Variants in USP15 observed in about 807,000 individuals in gnomAD.
The protein encoded by USP15 is ubiquitin carboxyl-terminal hydrolase 15.
In USP15, 18 loss-of-function variants were observed where a neutral mutation model predicts 127.1. The observed-to-expected ratio is 0.14, with a 90% CI of 0.10 to 0.21. The LOEUF is 0.21. Among genes scored for constraint, USP15 ranks in the 10% least tolerant of loss-of-function variants. The pLI is 1.00. For missense variants in USP15, 805 were observed against 1,159.9 expected (o/e 0.69, Z 4.44); for synonymous variants, 364 against 393.7 (o/e 0.92, Z 0.89).
chr12:62,260,816 A>G (rs986564791), intron 1 of USP15, among the ~76,000 whole-genome samples: 1 of 151,748 alleles, frequency 6.6e-6, no homozygotes, highest in African/African-American at 2.4e-5. Context: ...TTCCCGAATG[A>G]TAGGTTATAG....
chr12:62,310,794 G>GA (rs56309707), intron 3 of USP15, among the ~76,000 whole-genome samples: 152,008 of 152,008 alleles, frequency 1, 76,004 homozygotes, highest in Non-Finnish European at 1. Flanking sequence ...AGATTTTTGA[G>GA]AATCTCCACA....
chr12:62,404,062 ATT>A, intron 21 of USP15, 129 bp from the exon 22 acceptor site: 1 of 738,390 alleles, frequency 1.4e-6, no homozygotes, highest in Non-Finnish European at 1.8e-6. Context: ...AGTAACTTCC[ATT>A]TGACCATGCA....
chr12:62,378,822 A>G (rs1309367492), intron 8 of USP15, among the ~76,000 whole-genome samples: 1 of 152,218 alleles, frequency 6.6e-6, no homozygotes, highest in Non-Finnish European at 1.5e-5. Flanking sequence ...TCATTCAACA[A>G]AAATTTATTG....
chr12:62,355,289 G>T, intron 7 of USP15, 42 bp from the exon 8 acceptor site: 1 of 1,515,008 alleles, frequency 6.6e-7, no homozygotes, highest in Non-Finnish European at 8.9e-7. Context: ...TAAATATGTT[G>T]TAATATAATT....
intron 8 of USP15, among the ~76,000 whole-genome samples, chr12:62,358,017 C>T (rs1592660684): frequency 6.6e-6 from 1 of 152,004 alleles, no homozygotes; most frequent in South Asian, 2.1e-4. Context: ...AAATTGAAGA[C>T]GTTCATGAAT....
In USP15 at chr12:62,414,937, T is replaced by A. The variant is rs560712334; in HGVS notation, c.*10562T>A. 6.6e-6 allele frequency: 1 copy of A among 151,752 alleles called. No homozygotes were observed. The highest frequency in any genetic ancestry group is 2.1e-4 in the South Asian group (1 of 4,812). 9.4% of individuals were successfully genotyped at this position (151,752 alleles called of 1,614,324 possible). On this transcript the variant is annotated 3_prime_UTR_variant, in exon 22 of 22. Transcript: ENST00000280377. ...GGATGCATATGTGTATACACATATA[T>A]GTATAGCTCTCTCCCTCATATATAC...
intron 8 of USP15, among the ~76,000 whole-genome samples, chr12:62,360,009 T>A (rs2066265362): frequency 6.6e-6 from 1 of 152,154 alleles, no homozygotes; most frequent in African/African-American, 2.4e-5. Flanking sequence ...TAATTTTAAT[T>A]AGCATTAGTT....
At chr12:62,360,913 C>T (rs1031145488) in intron 8 of USP15, among the ~76,000 whole-genome samples, 1 of 151,690 alleles carries the variant, frequency 6.6e-6, no homozygotes, top group Non-Finnish European at 1.5e-5. Context: ...ATATTCAATC[C>T]TCTGTCAAAT....
chr12:62,361,451 A>G (rs2066312460), intron 8 of USP15, among the ~76,000 whole-genome samples: 1 of 152,028 alleles, frequency 6.6e-6, no homozygotes, highest in South Asian at 2.1e-4. Context: ...AAAGAGTTGT[A>G]AATTATTACA....
intron 8 of USP15, among the ~76,000 whole-genome samples, chr12:62,368,062 A>G (rs2066536937): frequency 6.6e-6 from 1 of 152,020 alleles, no homozygotes; most frequent in African/African-American, 2.4e-5. Context: ...TCATTTCATT[A>G]TTTACCCAGT....
At chr12:62,394,275 C>T (rs573702541) in intron 19 of USP15, among the ~76,000 whole-genome samples, 31 of 152,198 alleles carry the variant, frequency 2.0e-4, no homozygotes, top group African/African-American at 6.0e-4. Context: ...GAACTTTCAG[C>T]GGTATTATTT....
rs75040173 is a variant in USP15, at chr12:62,301,514, A to G, written c.218-1276A>G. Reference sequence around the variant, plus strand: ...AAATCCCACTCAGCAATTAAAAGAAATTAAGTATTGATATGTAAAAACATG... The same window carrying G: ...AAATCCCACTCAGCAATTAAAAGAAGTTAAGTATTGATATGTAAAAACATG... On this transcript the variant is annotated intron_variant, in intron 2 of 21. Coordinates refer to ENST00000280377, the MANE Select transcript of USP15 (RefSeq NM_001252078.2). 3.0e-4 allele frequency among the ~76,000 whole-genome samples: 45 copies of G among 152,312 alleles called. No individual in the cohort carries two copies. In the East Asian group the frequency reaches 8.1e-3, roughly 27 times the overall value.
intron 6 of USP15, among the ~76,000 whole-genome samples, chr12:62,347,803 C>G (rs1257568684): frequency 6.6e-6 from 1 of 152,064 alleles, no homozygotes; most frequent in Non-Finnish European, 1.5e-5. Context: ...AACTAGAAAT[C>G]CCACTTAACA....
chr12:62,334,586 T>G (rs2065401807), intron 6 of USP15, among the ~76,000 whole-genome samples: 1 of 152,126 alleles, frequency 6.6e-6, no homozygotes, highest in Admixed American at 6.6e-5. Context: ...TTTAGGAGAT[T>G]TAGAATTTTC....
intron 8 of USP15, among the ~76,000 whole-genome samples, chr12:62,362,493 C>G (rs2066350219): frequency 1.3e-5 from 2 of 152,034 alleles, no homozygotes; most frequent in Admixed American, 1.3e-4. Flanking sequence ...TTTGGAATTG[C>G]TTTTATTCTT....
intron 1 of USP15, among the ~76,000 whole-genome samples, chr12:62,290,270 T>C (rs543012176): frequency 6.6e-6 from 1 of 152,314 alleles, no homozygotes; most frequent in African/African-American, 2.4e-5. Flanking sequence ...TCTAGTAATA[T>C]TAGTTTTATG....
intron 1 of USP15, among the ~76,000 whole-genome samples, chr12:62,289,901 A>G (rs1457596267): frequency 6.6e-6 from 1 of 152,044 alleles, no homozygotes; most frequent in African/African-American, 2.4e-5. Context: ...CTGAATTTCC[A>G]TGTATTTGTA....
rs2064351622 is a variant in USP15 at position 62,302,651 on chromosome 12, C to A, written c.218-139C>A. 10 of 805,848 alleles carry A rather than the reference C, an allele frequency of 1.2e-5. 1 individual carries two copies. In the South Asian group the frequency reaches 2.8e-4, roughly 23 times the overall value. 49.9% of individuals were successfully genotyped at this position (805,848 alleles called of 1,614,324 possible). On this transcript the variant is annotated intron_variant, in intron 2 of 21. Transcript: ENST00000280377. ...CCAGAGAAACCCAAAAATTGGACAC[C>A]CCTGATGTAAGGGAGCTGAATTGCT... is the stretch of plus-strand genomic sequence containing the variant.
intron 3 of USP15, chr12:62,305,926 CTCTT>C (rs929137120): frequency 6.6e-6 from 1 of 152,204 alleles, no homozygotes; most frequent in Non-Finnish European, 1.5e-5. Flanking sequence ...CTAGCTGTCT[CTCTT>C]TCTCATTTCT....
Sources: gnomAD v4.1 joint callset for allele counts (sites outside exome capture counted in the v4.1 genomes callset) on GRCh38, gnomAD v4.1.1 for gene constraint, MANE v1.5 for transcripts, NCBI Gene and HGNC (gene_info 2026-07-23, HGNC 2026-07-21) for gene names.